PLD5: variants seen among roughly 807,000 people sequenced by gnomAD.
PLD5 encodes the protein phospholipase D family member 5, also known as inactive phospholipase D5.
Under a neutral mutation model 61.1 loss-of-function variants are expected in PLD5, and 36 were observed. The ratio of observed to expected loss-of-function variants is 0.59; its 90% CI spans 0.45 to 0.78. The LOEUF (loss-of-function observed/expected upper bound fraction) is 0.78, where lower values mean the gene tolerates loss of function less well. Among genes scored for constraint, PLD5 ranks in the 30% least tolerant of loss-of-function variants. The pLI, the probability that PLD5 is intolerant of heterozygous loss-of-function variation, is 0.00. For synonymous variants in PLD5, 243 were observed against 242.8 expected (o/e 1.00, Z -0.01); for missense variants, 515 against 644.4 (o/e 0.80, Z 2.17).
intron 2 of PLD5, among the ~76,000 whole-genome samples, chr1:242,328,456 G>A (rs1230080254): frequency 2.0e-5 from 3 of 152,028 alleles, no homozygotes; most frequent in African/African-American, 7.3e-5. Context: ...TGTTGTACAT[G>A]TGTGTTCTAC....
chr1:242,448,407 C>G (rs1666636341), intron 1 of PLD5, among the ~76,000 whole-genome samples: 1 of 152,228 alleles, frequency 6.6e-6, no homozygotes, highest in Non-Finnish European at 1.5e-5. Flanking sequence ...CACACATCAG[C>G]TGTGCAGTCA....
chr1:242,377,413 G>A (rs958854406), intron 1 of PLD5: 2 of 1,037,262 alleles, frequency 1.9e-6, no homozygotes, highest in Admixed American at 4.0e-5. Flanking sequence ...TTGGGACTGG[G>A]GACCTTGGTG....
chr1:242,227,056 G>A (rs554295798), intron 4 of PLD5, among the ~76,000 whole-genome samples: 1 of 152,086 alleles, frequency 6.6e-6, no homozygotes, highest in Non-Finnish European at 1.5e-5. Context: ...ATATTCTTGA[G>A]AGCCTTCCTC....
intron 5 of PLD5, among the ~76,000 whole-genome samples, chr1:242,173,374 C>T (rs1265281478): frequency 6.6e-6 from 1 of 152,158 alleles, no homozygotes; most frequent in Admixed American, 6.5e-5. Flanking sequence ...AGGAGAACTA[C>T]AAACCACTGT....
intron 5 of PLD5, among the ~76,000 whole-genome samples, chr1:242,170,809 G>C (rs957813223): frequency 2.6e-5 from 4 of 151,962 alleles, no homozygotes. Flanking sequence ...GGATATGAGA[G>C]ATTAAAGATC....
In PLD5 at chr1:242,496,024, T is replaced by C. The variant is rs187676234; in HGVS notation, c.189+28064A>G. Among the ~76,000 whole-genome samples the C allele has an allele frequency of 7.9e-5, 12 of 152,370 alleles. No individual in the cohort carries two copies. In the East Asian group the frequency reaches 2.3e-3, roughly 29 times the overall value. ...TAAGAAATTATTACCAGAACTTAAA[T>C]TCAAATGTTCCCTTTTGCTTTAGCA... On this transcript the variant is annotated intron_variant, in intron 1 of 9. Coordinates refer to ENST00000536534, the MANE Select transcript of PLD5 (RefSeq NM_001372062.1).
intron 5 of PLD5, among the ~76,000 whole-genome samples, chr1:242,189,759 G>A (rs941694451): frequency 4.6e-5 from 7 of 152,192 alleles, no homozygotes; most frequent in African/African-American, 1.7e-4. Context: ...GCTGCTCTGA[G>A]GGGGCAGCAC....
At chr1:242,191,126 GTTTTTTT>G in intron 5 of PLD5, among the ~76,000 whole-genome samples, 1 of 133,116 alleles carries the variant, frequency 7.5e-6, no homozygotes, top group South Asian at 2.5e-4. Flanking sequence ...AAACTATGGA[GTTTTTTT>G]TTTTTTTTTT....
At chr1:242,156,896 G>A (rs1300604389) in intron 5 of PLD5, among the ~76,000 whole-genome samples, 1 of 152,046 alleles carries the variant, frequency 6.6e-6, no homozygotes, top group East Asian at 1.9e-4. Context: ...TTGAATGTTG[G>A]CCTGTCTTGC....
In PLD5 at chr1:242,113,084, CTTTTTTTTTTT is replaced by C. The variant is rs71570931; in HGVS notation, c.1070+795_1070+805del. Reference sequence around the variant, plus strand: ...ATTTGAAGTTTCTTTCTCTCTCTCTCTTTTTTTTTTTTTTTTTTTTTTTGAGATGGATTCTT... The same window carrying C: ...ATTTGAAGTTTCTTTCTCTCTCTCTCTTTTTTTTTTTTGAGATGGATTCTT... On this transcript the variant is annotated intron_variant, in intron 7 of 9. Coordinates refer to ENST00000536534, the MANE Select transcript of PLD5 (RefSeq NM_001372062.1). Among the ~76,000 whole-genome samples the C allele has an allele frequency of 1.1e-4, 12 of 110,664 alleles. No individual in the cohort carries two copies. In the South Asian group the frequency reaches 2.0e-3, roughly 18 times the overall value. The allele number at this position is 110,664 out of a possible 152,430, so 72.6% of individuals were successfully genotyped here.
intron 1 of PLD5, among the ~76,000 whole-genome samples, chr1:242,418,455 A>G (rs752222107): frequency 3.3e-5 from 5 of 152,086 alleles, no homozygotes; most frequent in Admixed American, 2.6e-4. Context: ...TGTACATGGT[A>G]TTTACAGGGA....
At chr1:242,148,595 T>C (rs1414570215) in intron 5 of PLD5, among the ~76,000 whole-genome samples, 3 of 151,984 alleles carry the variant, frequency 2.0e-5, no homozygotes, top group Non-Finnish European at 2.9e-5. Flanking sequence ...ATTATAACAA[T>C]ATAGCATTTT....
At chr1:242,168,579 A>G (rs772793847) in intron 5 of PLD5, among the ~76,000 whole-genome samples, 9 of 152,200 alleles carry the variant, frequency 5.9e-5, no homozygotes, top group Non-Finnish European at 1.2e-4. Context: ...GTTTTGGGGC[A>G]TTCATCTTTA....
At chr1:242,512,620 T>C (rs1172875446) in intron 1 of PLD5, among the ~76,000 whole-genome samples, 1 of 152,074 alleles carries the variant, frequency 6.6e-6, no homozygotes, top group Non-Finnish European at 1.5e-5. Flanking sequence ...CTAATGAAAA[T>C]GGAGACATAT....
At chr1:242,440,573 G>A (rs1025462676) in intron 1 of PLD5, among the ~76,000 whole-genome samples, 1 of 152,228 alleles carries the variant, frequency 6.6e-6, no homozygotes, top group Admixed American at 6.5e-5. Flanking sequence ...GGGCCAAGCG[G>A]ACCATATGAA....
At chr1:242,362,830 A>G (rs1400105872) in intron 1 of PLD5, among the ~76,000 whole-genome samples, 1 of 152,018 alleles carries the variant, frequency 6.6e-6, no homozygotes, top group African/African-American at 2.4e-5. Flanking sequence ...GAGGGACTTT[A>G]ATTTACTCCC....
At chr1:242,275,676 G>A (rs1674373711) in intron 3 of PLD5, among the ~76,000 whole-genome samples, 1 of 152,184 alleles carries the variant, frequency 6.6e-6, no homozygotes, top group South Asian at 2.1e-4. Context: ...GACAGAGCAA[G>A]GGAAAAGCAT....
intron 1 of PLD5, among the ~76,000 whole-genome samples, chr1:242,475,189 G>A (rs1667550995): frequency 1.3e-5 from 2 of 152,094 alleles, no homozygotes; most frequent in Admixed American, 6.5e-5. Context: ...GCACACACAC[G>A]TGCGCACGCA....
chr1:242,108,215 C>T (rs1574308967), intron 7 of PLD5, among the ~76,000 whole-genome samples: 1 of 152,260 alleles, frequency 6.6e-6, no homozygotes, highest in East Asian at 1.9e-4. Flanking sequence ...AGCACCCCCT[C>T]AGTCCCCAAA....
Sources: allele counts gnomAD v4.1 joint callset (sites outside exome capture counted in the v4.1 genomes callset), GRCh38; gene constraint gnomAD v4.1.1; transcripts MANE v1.5; gene names NCBI Gene and HGNC (gene_info 2026-07-23, HGNC 2026-07-21).